The following ALPK2 variants were observed in gnomAD, a reference collection of about 807,000 sequenced individuals.
The protein encoded by ALPK2 is alpha-protein kinase 2.
ALPK2 carries 127 observed loss-of-function variants against 163.1 expected under a neutral mutation model. The observed-to-expected ratio is 0.78, with a 90% CI of 0.67 to 0.90. The LOEUF is 0.90. Ranked by LOEUF, ALPK2 falls within the 40% of genes least tolerant of loss-of-function variation. The pLI is 0.00. For missense variants in ALPK2, 2,360 were observed against 2,589.6 expected (o/e 0.91, Z 1.92); for synonymous variants, 953 against 959.1 (o/e 0.99, Z 0.12).
chr18:58,562,166 A>G (rs949296991), intron 4 of ALPK2, among the ~76,000 whole-genome samples: 1 of 152,230 alleles, frequency 6.6e-6, no homozygotes, highest in Non-Finnish European at 1.5e-5. Context: ...GTTTTGTTAC[A>G]TGGACTACCA....
chr18:58,572,156 TGTTAACCATTAGGG>T (rs2051889261), intron 4 of ALPK2, among the ~76,000 whole-genome samples: 1 of 152,074 alleles, frequency 6.6e-6, no homozygotes, highest in Admixed American at 6.5e-5. Flanking sequence ...TGTTCAAAAT[TGTTAACCATTAGGG>T]AAATGCAAAT....
chr18:58,585,735 G>A (rs2051983303), intron 3 of ALPK2, among the ~76,000 whole-genome samples: 1 of 134,960 alleles, frequency 7.4e-6, no homozygotes, highest in South Asian at 2.5e-4. Context: ...CCAGGCTGGA[G>A]TACAGTGGCA....
intron 4 of ALPK2, among the ~76,000 whole-genome samples, chr18:58,539,529 T>G (rs993379894): frequency 6.6e-6 from 1 of 152,166 alleles, no homozygotes; most frequent in Admixed American, 6.5e-5. Flanking sequence ...CAAAGAAAAC[T>G]TATGTCCAGC....
intron 4 of ALPK2, among the ~76,000 whole-genome samples, chr18:58,575,450 A>G (rs1802847581): frequency 1.3e-5 from 2 of 152,226 alleles, no homozygotes; most frequent in African/African-American, 2.4e-5. Flanking sequence ...CCAGAGCCCA[A>G]GAACACATTT....
intron 8 of ALPK2, among the ~76,000 whole-genome samples, chr18:58,517,949 G>T (rs751936318): frequency 2.0e-4 from 30 of 150,368 alleles, no homozygotes; most frequent in African/African-American, 5.4e-4. Context: ...GTTTTTTTTT[G>T]CAGAGTGGAT....
At chr18:58,587,107 A>G (rs760964649) in intron 3 of ALPK2, among the ~76,000 whole-genome samples, 2 of 152,182 alleles carry the variant, frequency 1.3e-5, no homozygotes, top group Admixed American at 6.5e-5. Context: ...CATGCTTCAT[A>G]CCTCAACATG....
chr18:58,596,145 G>A (rs2052039864), intron 3 of ALPK2, among the ~76,000 whole-genome samples: 1 of 152,180 alleles, frequency 6.6e-6, no homozygotes, highest in Non-Finnish European at 1.5e-5. Context: ...CCCAGAAAGG[G>A]GGAATGAGCA....
intron 4 of ALPK2, among the ~76,000 whole-genome samples, chr18:58,551,235 C>A (rs936321975): frequency 6.6e-6 from 1 of 152,200 alleles, no homozygotes; most frequent in African/African-American, 2.4e-5. Flanking sequence ...CAGCTTTACT[C>A]CCTCAGTTCT....
chr18:58,556,189 A>ACACACACACACACACG (rs903787089), intron 4 of ALPK2, among the ~76,000 whole-genome samples: 59 of 151,966 alleles, frequency 3.9e-4, no homozygotes, highest in African/African-American at 1.4e-3. Context: ...ACACACACGC[A>ACACACACACACACACG]CACACAATTC....
intron 12 of ALPK2, among the ~76,000 whole-genome samples, chr18:58,490,352 C>T (rs962985190): frequency 6.6e-6 from 1 of 152,202 alleles, no homozygotes; most frequent in African/African-American, 2.4e-5. Context: ...CTGCCCCTCC[C>T]TGGGCCAGTC....
In ALPK2 at chr18:58,498,104, G is replaced by A; in HGVS notation, c.6248-7C>T. Reference sequence around the variant, plus strand: ...GTTAGCTTCATTCCTACACCTACAGGAAGAGAAAGCAAAGATGGGAGTTTG... The same window carrying A: ...GTTAGCTTCATTCCTACACCTACAGAAAGAGAAAGCAAAGATGGGAGTTTG... On this transcript the variant is annotated splice_region_variant and splice_polypyrimidine_tract_variant and intron_variant, in intron 11 of 12. Transcript: ENST00000361673. The A allele has an allele frequency of 6.2e-7, 1 of 1,614,048 alleles. No homozygotes were observed. The highest frequency in any genetic ancestry group is 1.1e-5 in the South Asian group (1 of 91,050).
chr18:58,554,507 C>T (rs1312438329), intron 4 of ALPK2, among the ~76,000 whole-genome samples: 2 of 152,206 alleles, frequency 1.3e-5, no homozygotes, highest in African/African-American at 4.8e-5. Context: ...TGGGCACTGA[C>T]CTGCAGGTGC....
Position 58,536,317 on chromosome 18 carries a change from G to C in ALPK2, c.3870C>G (p.Pro1290=). The C allele has an allele frequency of 6.2e-7, 1 of 1,614,230 alleles. No homozygotes were observed. Among genetic ancestry groups the C allele is most frequent in the Non-Finnish European group, 8.5e-7 (1 of 1,180,032 alleles). Residue 1290 remains proline, a synonymous_variant, in exon 5 of 13, where the codon CCC becomes CCG. Coordinates refer to ENST00000361673, the MANE Select transcript of ALPK2 (RefSeq NM_052947.4). ...KADAVVPELA[P]SEIAALAHSP... is the part of the protein sequence containing the mutation. Reference sequence around the variant, plus strand: ...TGTGAGCCAATGCTGCTATTTCAGAGGGGGCCAATTCAGGCACAACAGCAT... The same window carrying C: ...TGTGAGCCAATGCTGCTATTTCAGACGGGGCCAATTCAGGCACAACAGCAT...
chr18:58,603,999 C>CAGATGAGGA (rs2052085458), intron 3 of ALPK2, among the ~76,000 whole-genome samples: 1 of 152,002 alleles, frequency 6.6e-6, no homozygotes, highest in Non-Finnish European at 1.5e-5. Flanking sequence ...CCTGAAGTGC[C>CAGATGAGGA]CAGGTTCATG....
chr18:58,595,265 G>A (rs34310590), intron 3 of ALPK2, among the ~76,000 whole-genome samples: 19,373 of 152,138 alleles, frequency 0.13, 1,350 homozygotes, highest in South Asian at 0.15. Flanking sequence ...ATAGTTCCTG[G>A]TGTGTTAAAT....
At chr18:58,509,924 A>G (rs2051481402) in intron 10 of ALPK2, among the ~76,000 whole-genome samples, 1 of 152,052 alleles carries the variant, frequency 6.6e-6, no homozygotes. Flanking sequence ...TTTTGTTGCC[A>G]TTGCTTTTGG....
intron 10 of ALPK2, among the ~76,000 whole-genome samples, chr18:58,514,677 G>A (rs2144123934): frequency 6.6e-6 from 1 of 152,166 alleles, no homozygotes; most frequent in Admixed American, 6.5e-5. Context: ...AGCTATGAGA[G>A]TAGATATCCT....
chr18:58,490,134 A>G (rs774812407), intron 12 of ALPK2, among the ~76,000 whole-genome samples: 62 of 152,316 alleles, frequency 4.1e-4, no homozygotes, highest in South Asian at 8.3e-4. Context: ...TCCCAAAATT[A>G]CTTGACAACA....
chr18:58,553,679 T>G (rs960801594), intron 4 of ALPK2, among the ~76,000 whole-genome samples: 2 of 152,118 alleles, frequency 1.3e-5, no homozygotes, highest in Non-Finnish European at 2.9e-5. Context: ...CCTGCTTCAC[T>G]TGGCATTTCT....
Sources: allele counts gnomAD v4.1 joint callset (sites outside exome capture counted in the v4.1 genomes callset), GRCh38; gene constraint gnomAD v4.1.1; transcripts MANE v1.5; gene names NCBI Gene and HGNC (gene_info 2026-07-23, HGNC 2026-07-21).